FRMD4A: variants seen among roughly 807,000 people sequenced by gnomAD.
FRMD4A encodes the protein FERM domain-containing protein 4A.
Under a neutral mutation model 129.1 loss-of-function variants are expected in FRMD4A, and 29 were observed. The ratio of observed to expected loss-of-function variants is 0.22; its 90% CI spans 0.17 to 0.31. The LOEUF is 0.31. FRMD4A is among the 10% of genes least tolerant of loss of function. The pLI is 1.00. For synonymous variants in FRMD4A, 634 were observed against 571.6 expected (o/e 1.11, Z -1.56); for missense variants, 1,272 against 1,375.8 (o/e 0.92, Z 1.19).
At chr10:13,830,635 T>C (rs915858482) in intron 3 of FRMD4A, among the ~76,000 whole-genome samples, 21 of 152,298 alleles carry the variant, frequency 1.4e-4, no homozygotes, top group Non-Finnish European at 2.4e-4. Flanking sequence ...AGCATTGCCA[T>C]TGAAGGCTTT....
At chr10:14,226,380 A>C (rs1843437056) in intron 2 of FRMD4A, among the ~76,000 whole-genome samples, 1 of 152,170 alleles carries the variant, frequency 6.6e-6, no homozygotes, top group Non-Finnish European at 1.5e-5. Context: ...ACATGTTAAA[A>C]ATTGTGTTAT....
At chr10:13,992,348 T>A (rs1024603226) in intron 2 of FRMD4A, among the ~76,000 whole-genome samples, 1 of 152,206 alleles carries the variant, frequency 6.6e-6, no homozygotes, top group Non-Finnish European at 1.5e-5. Flanking sequence ...CCAGCTATAT[T>A]TGACACATCT....
chr10:14,020,333 A>G lies in FRMD4A; in HGVS notation c.46-161421T>C, dbSNP rs569030682. 5.9e-4 allele frequency among the ~76,000 whole-genome samples: 90 copies of G among 152,236 alleles called. 1 individual carries two copies. Among genetic ancestry groups the G allele is most frequent in the African/African-American group, 2.0e-3 (82 of 41,550 alleles). ...TCTTGCAGAAGCCTTGCATTCCCCC[A>G]AAGCCCCCCAGTGGCCCTTTGTAAT... On this transcript the variant is annotated intron_variant, in intron 2 of 24. Coordinates refer to ENST00000357447, the MANE Select transcript of FRMD4A (RefSeq NM_018027.5).
chr10:14,050,631 C>G (rs930592087), intron 2 of FRMD4A, among the ~76,000 whole-genome samples: 1 of 152,036 alleles, frequency 6.6e-6, no homozygotes. Flanking sequence ...CAATCCCACT[C>G]CCTGACCTCC....
intron 2 of FRMD4A, among the ~76,000 whole-genome samples, chr10:13,909,601 AATT>A (rs2094920317): frequency 6.6e-6 from 1 of 152,214 alleles, no homozygotes; most frequent in South Asian, 2.1e-4. Flanking sequence ...AAGATGAGTT[AATT>A]ATTATGGATG....
chr10:13,690,817 G>A (rs567240005), intron 15 of FRMD4A, among the ~76,000 whole-genome samples: 3 of 152,064 alleles, frequency 2.0e-5, no homozygotes, highest in South Asian at 4.1e-4. Flanking sequence ...TTTGAAGATC[G>A]CTTCATTGTA....
chr10:13,873,483 T>A (rs2094460021), intron 2 of FRMD4A, among the ~76,000 whole-genome samples: 1 of 152,216 alleles, frequency 6.6e-6, no homozygotes, highest in Non-Finnish European at 1.5e-5. Context: ...TTCCAGCATT[T>A]TTCGTGCACT....
intron 2 of FRMD4A, among the ~76,000 whole-genome samples, chr10:14,251,603 C>A (rs1489898904): frequency 6.6e-6 from 1 of 152,198 alleles, no homozygotes; most frequent in East Asian, 1.9e-4. Context: ...ATATGTGAGG[C>A]ATAAACAGAT....
At chr10:13,799,835 T>C (rs1339188229) in intron 4 of FRMD4A, among the ~76,000 whole-genome samples, 2 of 152,142 alleles carry the variant, frequency 1.3e-5, no homozygotes, top group Non-Finnish European at 2.9e-5. Context: ...TTCTGGTGTG[T>C]GTCATCTTCA....
chr10:14,118,258 A>C (rs1838304057), intron 2 of FRMD4A, among the ~76,000 whole-genome samples: 1 of 152,204 alleles, frequency 6.6e-6, no homozygotes, highest in South Asian at 2.1e-4. Context: ...GCCAGAGTTA[A>C]AGATGCCATG....
chr10:13,657,810 T>A (rs139380480), intron 21 of FRMD4A, among the ~76,000 whole-genome samples: 55 of 148,640 alleles, frequency 3.7e-4, no homozygotes, highest in Non-Finnish European at 6.2e-4. Flanking sequence ...TTTTAAATAA[T>A]TCTATAGACA....
chr10:14,281,884 T>G (rs938287926), intron 2 of FRMD4A, among the ~76,000 whole-genome samples: 1 of 152,208 alleles, frequency 6.6e-6, no homozygotes, highest in Non-Finnish European at 1.5e-5. Context: ...AGGGACCATG[T>G]GTGAAAAATA....
chr10:13,742,412 C>G (rs2091061183), intron 9 of FRMD4A, among the ~76,000 whole-genome samples: 1 of 152,212 alleles, frequency 6.6e-6, no homozygotes, highest in Admixed American at 6.5e-5. Context: ...AACCTCAGTT[C>G]TCACTCTCAG....
At chr10:14,070,332 C>A (rs1835260900) in intron 2 of FRMD4A, among the ~76,000 whole-genome samples, 1 of 152,220 alleles carries the variant, frequency 6.6e-6, no homozygotes. Context: ...ATGTAATTTA[C>A]AGCTCAGATA....
chr10:14,011,349 G>C (rs1360584169), intron 2 of FRMD4A, among the ~76,000 whole-genome samples: 1 of 152,194 alleles, frequency 6.6e-6, no homozygotes, highest in East Asian at 1.9e-4. Context: ...CACAAAGGGG[G>C]AGGCAGGGAG....
chr10:13,845,382 T>C (rs1177546257), intron 3 of FRMD4A, among the ~76,000 whole-genome samples: 1 of 152,230 alleles, frequency 6.6e-6, no homozygotes, highest in Non-Finnish European at 1.5e-5. Context: ...TTTGATGGAC[T>C]GTCAACCCAT....
At chr10:14,214,015 G>C (rs1253281889) in intron 2 of FRMD4A, among the ~76,000 whole-genome samples, 1 of 152,216 alleles carries the variant, frequency 6.6e-6, no homozygotes, top group Non-Finnish European at 1.5e-5. Context: ...GTTTTGTAAA[G>C]GGCAGTTCCC....
chr10:13,780,170 T>C (rs768103407), intron 6 of FRMD4A, among the ~76,000 whole-genome samples: 1 of 151,722 alleles, frequency 6.6e-6, no homozygotes, highest in Non-Finnish European at 1.5e-5. Flanking sequence ...CTATTAAAAA[T>C]ACAAAAACTA....
chr10:14,200,847 G>A (rs139946895), intron 2 of FRMD4A, among the ~76,000 whole-genome samples: 3 of 152,180 alleles, frequency 2.0e-5, no homozygotes, highest in Admixed American at 1.3e-4. Context: ...CTGCCGGTAG[G>A]GGGCGTGGGA....
Sources: gnomAD v4.1 joint callset for allele counts (sites outside exome capture counted in the v4.1 genomes callset) on GRCh38, gnomAD v4.1.1 for gene constraint, MANE v1.5 for transcripts, NCBI Gene and HGNC (gene_info 2026-07-23, HGNC 2026-07-21) for gene names.